The following EXOC2 variants were observed in gnomAD, a reference collection of about 807,000 sequenced individuals.
EXOC2 encodes SEC5-like 1.
Under a neutral mutation model 131.8 loss-of-function variants are expected in EXOC2, and 70 were observed. That is an observed-to-expected ratio of 0.53 (90% CI 0.44 to 0.65). The LOEUF is 0.65. Among genes scored for constraint, EXOC2 ranks in the 30% least tolerant of loss-of-function variants. The pLI, the probability that EXOC2 is intolerant of heterozygous loss-of-function variation, is 0.00. For missense variants in EXOC2, 923 were observed against 1,108.6 expected (o/e 0.83, Z 2.38); for synonymous variants, 411 against 398.4 (o/e 1.03, Z -0.38).
chr6:684,223 A>G (rs1764542408), intron 1 of EXOC2, among the ~76,000 whole-genome samples: 1 of 152,148 alleles, frequency 6.6e-6, no homozygotes, highest in Non-Finnish European at 1.5e-5. Flanking sequence ...GAGGGGAGAC[A>G]GGAGAGTCTT....
At chr6:589,168 T>C (rs1030507887) in intron 11 of EXOC2, among the ~76,000 whole-genome samples, 4 of 152,236 alleles carry the variant, frequency 2.6e-5, no homozygotes, top group African/African-American at 7.2e-5. Context: ...ATATGGTGAC[T>C]GCATTCATCA....
chr6:588,672 A>G (rs1759354309), intron 11 of EXOC2, among the ~76,000 whole-genome samples: 1 of 152,232 alleles, frequency 6.6e-6, no homozygotes, highest in African/African-American at 2.4e-5. Flanking sequence ...TAATGAAAAG[A>G]TGAAGTAATG....
chr6:691,905 T>A (rs964704847), intron 1 of EXOC2, among the ~76,000 whole-genome samples: 6 of 152,230 alleles, frequency 3.9e-5, no homozygotes. Context: ...TAAGCACACA[T>A]CACCCTCTTT....
At chr6:601,279 C>G (rs1352848027) in intron 7 of EXOC2, among the ~76,000 whole-genome samples, 8 of 106,730 alleles carry the variant, frequency 7.5e-5, no homozygotes, top group African/African-American at 2.9e-4. Context: ...AAGAACACCC[C>G]GTGTGCGAAT....
At position 675,627 on chromosome 6, in the gene EXOC2, A is replaced by G. The variant is rs4523129; in HGVS notation, c.-44+17392T>C. Among the ~76,000 whole-genome samples the G allele has an allele frequency of 2.3e-3, 77 of 33,578 alleles. 3 individuals carry two copies. The highest frequency in any genetic ancestry group is 6.3e-3 in the East Asian group (1 of 160). The allele number at this position is 33,578 out of a possible 152,430, so 22.0% of individuals were successfully genotyped here. On this transcript the variant is annotated intron_variant, in intron 1 of 27. Coordinates refer to ENST00000230449, the MANE Select transcript of EXOC2 (RefSeq NM_018303.6). ...GGTTCCCCATACTCTTCAGCATTAC[A>G]GAAAGGACAGGTTCCTCTGGCGACT...
chr6:611,601 T>C (rs1253460182), intron 6 of EXOC2, among the ~76,000 whole-genome samples: 2 of 152,218 alleles, frequency 1.3e-5, no homozygotes, highest in African/African-American at 4.8e-5. Context: ...ACTGCCAAGC[T>C]GTCAGCCAAG....
rs563280915 is a variant in EXOC2 at position 496,808 on chromosome 6, G to A, written c.2559+559C>T. Among the ~76,000 whole-genome samples the A allele has an allele frequency of 2.8e-4, 42 of 152,310 alleles. 1 individual carries two copies. In the South Asian group the frequency reaches 4.8e-3, roughly 17 times the overall value. On this transcript the variant is annotated intron_variant, in intron 25 of 27. Transcript: ENST00000230449. ...GCTTCCTCAGCCATGGCTGGACGAAGGGCACTGCTTTTTGAAACTCACTGC... is the reference window on the plus strand; with the variant it reads ...GCTTCCTCAGCCATGGCTGGACGAAAGGCACTGCTTTTTGAAACTCACTGC...
At chr6:581,840 G>A (rs1407055356) in intron 11 of EXOC2, among the ~76,000 whole-genome samples, 1 of 151,540 alleles carries the variant, frequency 6.6e-6, no homozygotes, top group African/African-American at 2.4e-5. Flanking sequence ...GTTAAATACT[G>A]CTTCTATAAC....
chr6:627,922 T>G (rs1371874541), intron 4 of EXOC2, among the ~76,000 whole-genome samples: 1 of 152,260 alleles, frequency 6.6e-6, no homozygotes, highest in Non-Finnish European at 1.5e-5. Context: ...AAGTACTTAT[T>G]GGATAAATGT....
At position 509,026 on chromosome 6, in the gene EXOC2, C is replaced by T. The variant is rs539274802; in HGVS notation, c.2381-9326G>A. Reference sequence around the variant, plus strand: ...TTTAATTTGCAATTCCCTAATGACACACAATGTGGAACATCTTTTCATATG... The same window carrying T: ...TTTAATTTGCAATTCCCTAATGACATACAATGTGGAACATCTTTTCATATG... On this transcript the variant is annotated intron_variant, in intron 23 of 27. Transcript: ENST00000230449. 2.0e-5 allele frequency among the ~76,000 whole-genome samples: 3 copies of T among 152,358 alleles called. No individual in the cohort carries two copies. In the East Asian group the frequency reaches 5.8e-4, roughly 29 times the overall value.
At position 677,333 on chromosome 6, in the gene EXOC2, G is replaced by C. The variant is rs139795060; in HGVS notation, c.-44+15686C>G. 7.7e-3 allele frequency among the ~76,000 whole-genome samples: 1,179 copies of C among 152,348 alleles called. 8 individuals carry two copies. Among genetic ancestry groups the C allele is most frequent in the Non-Finnish European group, 0.014 (951 of 68,032 alleles). On this transcript the variant is annotated intron_variant, in intron 1 of 27. Coordinates refer to ENST00000230449, the MANE Select transcript of EXOC2 (RefSeq NM_018303.6). ...TTGACCCCTTCATTAGTGGGTTGAA[G>C]TTTTTGTGTTTAGTGCACAGTTAGC...
intron 4 of EXOC2, among the ~76,000 whole-genome samples, chr6:622,293 C>T (rs1427572299): frequency 6.6e-6 from 1 of 152,190 alleles, no homozygotes; most frequent in African/African-American, 2.4e-5. Flanking sequence ...TTCCTACTAA[C>T]AACAGTCTTC....
At chr6:689,995 T>G (rs549530684) in intron 1 of EXOC2, among the ~76,000 whole-genome samples, 2 of 152,202 alleles carry the variant, frequency 1.3e-5, no homozygotes, top group Non-Finnish European at 2.9e-5. Context: ...CAGACCAGAT[T>G]AGACCAAGGA....
intron 1 of EXOC2, among the ~76,000 whole-genome samples, chr6:691,116 G>T (rs1194908807): frequency 2.6e-5 from 4 of 152,176 alleles, no homozygotes; most frequent in Non-Finnish European, 5.9e-5. Context: ...TTCCTGTATG[G>T]CCTAATCTTG....
chr6:513,712 G>A (rs1333702231), intron 23 of EXOC2, among the ~76,000 whole-genome samples: 1 of 152,176 alleles, frequency 6.6e-6, no homozygotes, highest in African/African-American at 2.4e-5. Context: ...TTACATTTAT[G>A]AATTTACTCT....
chr6:491,231 T>A (rs550810297), intron 25 of EXOC2, 45 bp from the exon 26 acceptor site: 1 of 1,596,494 alleles, frequency 6.3e-7, no homozygotes, highest in South Asian at 1.1e-5. Context: ...AAATTTATAT[T>A]ATCAAATATA....
intron 6 of EXOC2, among the ~76,000 whole-genome samples, chr6:612,413 TAGAG>T (rs1376227262): frequency 6.6e-6 from 1 of 152,204 alleles, no homozygotes; most frequent in African/African-American, 2.4e-5. Context: ...TTTAAATTGA[TAGAG>T]AGCCCTTCAA....
intron 1 of EXOC2, among the ~76,000 whole-genome samples, chr6:686,703 C>T (rs1764670739): frequency 6.6e-6 from 1 of 152,186 alleles, no homozygotes; most frequent in African/African-American, 2.4e-5. Flanking sequence ...CTTTATTCCC[C>T]CAGGAACCAT....
intron 22 of EXOC2, among the ~76,000 whole-genome samples, chr6:539,371 C>T (rs1454333318): frequency 1.3e-5 from 2 of 152,156 alleles, no homozygotes; most frequent in African/African-American, 4.8e-5. Flanking sequence ...TGTATATACT[C>T]AACAACATTT....
Sources: allele counts gnomAD v4.1 joint callset (sites outside exome capture counted in the v4.1 genomes callset), GRCh38; gene constraint gnomAD v4.1.1; transcripts MANE v1.5; gene names NCBI Gene and HGNC (gene_info 2026-07-23, HGNC 2026-07-21).